Variants in MTF2 observed in about 807,000 individuals in gnomAD.
The protein encoded by MTF2 is metal-response element-binding transcription factor 2.
Under a neutral mutation model 79.5 loss-of-function variants are expected in MTF2, and 11 were observed. The observed-to-expected ratio is 0.14, with a 90% CI of 0.09 to 0.23. MTF2 has a LOEUF of 0.23. Among genes scored for constraint, MTF2 ranks in the 10% least tolerant of loss-of-function variants. The probability of loss-of-function intolerance (pLI) is 1.00; values close to 1 mark genes in which losing one functional copy is unlikely to be tolerated. For missense variants in MTF2, 486 were observed against 711.2 expected, an observed-to-expected ratio of 0.68 and a Z score of 3.60; for synonymous variants, 208 against 232.8, an observed-to-expected ratio of 0.89 and a Z score of 0.97.
chr1:93,115,427 A>G lies in MTF2; in HGVS notation c.484-43A>G, dbSNP rs149738650. 1,684 of 1,453,844 alleles carry G rather than the reference A, an allele frequency of 1.2e-3. 20 individuals are homozygous for G. The African/African-American group carries it at 0.021, about 18-fold the overall frequency. The allele number at this position is 1,453,844 out of a possible 1,614,324, so 90.1% of individuals were successfully genotyped here. On this transcript the variant is annotated intron_variant, in intron 5 of 14. Coordinates refer to ENST00000370298, the MANE Select transcript of MTF2 (RefSeq NM_007358.4). ...TTTAAAGTATAGAATTGTGTTTAAAATTTTAGCCTTCACTCTTTCACATTT... is the reference window on the plus strand; with the variant it reads ...TTTAAAGTATAGAATTGTGTTTAAAGTTTTAGCCTTCACTCTTTCACATTT...
intron 6 of MTF2, 92 bp from the exon 7 acceptor site, chr1:93,118,253 T>G (rs1030302895): frequency 2.1e-5 from 15 of 725,222 alleles, no homozygotes; most frequent in Non-Finnish European, 2.5e-5. Context: ...GTATTGTGGA[T>G]TAGGCCACTT....
intron 3 of MTF2, among the ~76,000 whole-genome samples, chr1:93,112,048 T>C (rs982846499): frequency 6.6e-6 from 1 of 152,162 alleles, no homozygotes; most frequent in Admixed American, 6.5e-5. Flanking sequence ...CAATGTTACA[T>C]AGAGATAGAA....
At chr1:93,120,267 C>T (rs1205862092) in intron 8 of MTF2, 2 of 209,724 alleles carry the variant, frequency 9.5e-6, no homozygotes, top group Non-Finnish European at 1.8e-5. Context: ...TTGTACTACT[C>T]CAGCCTGGGC....
chr1:93,138,050 A>G lies in MTF2; in HGVS notation c.*1023A>G, dbSNP rs1322246857. ...CCGTGAAGATTCCTGAAATGTCTGT[A>G]GTAACTGTTAGTCATGTTTGAATAA... is the stretch of plus-strand genomic sequence containing the variant. On this transcript the variant is annotated 3_prime_UTR_variant, in exon 15 of 15. Transcript: ENST00000370298. The G allele has an allele frequency of 1.3e-5, 2 of 152,234 alleles. No individual in the cohort carries two copies. Among genetic ancestry groups the G allele is most frequent in the African/African-American group, 4.8e-5 (2 of 41,470 alleles). 9.4% of individuals were successfully genotyped at this position (152,234 alleles called of 1,614,324 possible). A position where few individuals can be genotyped will look rare whatever the true frequency, so the allele number is the denominator to read the frequency against.
At chr1:93,101,568 GTTTTTTTTT>G (rs71586778) in intron 1 of MTF2, among the ~76,000 whole-genome samples, 68 of 25,406 alleles carry the variant, frequency 2.7e-3, no homozygotes, top group East Asian at 5.1e-3. Context: ...GCTCAGGCTG[GTTTTTTTTT>G]TTTTTTTTTT....
intron 1 of MTF2, among the ~76,000 whole-genome samples, chr1:93,102,307 A>G (rs932460326): frequency 4.6e-5 from 7 of 152,232 alleles, no homozygotes; most frequent in African/African-American, 1.2e-4. Flanking sequence ...AGACTTAGAA[A>G]TTGTTAATAG....
chr1:93,129,558 A>ATTTTTTTT (rs200494793), intron 11 of MTF2, 110 bp downstream of exon 11: 97 of 448,040 alleles, frequency 2.2e-4, no homozygotes, highest in Admixed American at 3.5e-4. Flanking sequence ...AGTTACTCTG[A>ATTTTTTTT]TTTTTTTTTT....
chr1:93,108,297 C>T (rs1247213086), intron 1 of MTF2, among the ~76,000 whole-genome samples: 1 of 151,758 alleles, frequency 6.6e-6, no homozygotes. Context: ...TGTGTATGTA[C>T]ATGTATTTGA....
At chr1:93,110,206 T>C (rs1336839316) in intron 1 of MTF2, 24 bp from the exon 2 acceptor site, 2 of 1,600,112 alleles carry the variant, frequency 1.2e-6, no homozygotes, top group Admixed American at 3.3e-5. Context: ...AAGTCTTATG[T>C]ATGGTCTTTT....
At chr1:93,130,368 G>A (rs1033217697) in intron 11 of MTF2, among the ~76,000 whole-genome samples, 3 of 152,064 alleles carry the variant, frequency 2.0e-5, no homozygotes, top group Admixed American at 6.6e-5. Context: ...ACCTGAGGTC[G>A]GGAGTTTGAG....
At chr1:93,095,261 G>A (rs919046473) in intron 1 of MTF2, among the ~76,000 whole-genome samples, 12 of 152,052 alleles carry the variant, frequency 7.9e-5, no homozygotes, top group Non-Finnish European at 1.6e-4. Context: ...GGCTGGTTGC[G>A]AACTTCTTGC....
intron 1 of MTF2, among the ~76,000 whole-genome samples, chr1:93,090,914 C>T (rs1438363345): frequency 3.3e-5 from 5 of 151,256 alleles, no homozygotes; most frequent in African/African-American, 7.3e-5. Flanking sequence ...CCGCCCACCT[C>T]GGCCTCCCAG....
At chr1:93,123,210 C>CT (rs749700655) in intron 9 of MTF2, among the ~76,000 whole-genome samples, 1,042 of 94,202 alleles carry the variant, frequency 0.011, 9 homozygotes, top group African/African-American at 0.015. Context: ...TCAGCTCTTT[C>CT]TTTTTTTTTT....
At chr1:93,098,040 G>A (rs1655369547) in intron 1 of MTF2, among the ~76,000 whole-genome samples, 1 of 152,126 alleles carries the variant, frequency 6.6e-6, no homozygotes, top group Admixed American at 6.5e-5. Context: ...AAGACAAAGA[G>A]GCAATGTCTC....
chr1:93,126,192 G>C (rs977139192), intron 9 of MTF2, among the ~76,000 whole-genome samples: 1 of 151,708 alleles, frequency 6.6e-6, no homozygotes, highest in African/African-American at 2.4e-5. Context: ...TATTGGCACA[G>C]AGTGGGCTCT....
chr1:93,082,419 TA>T (rs2101009890), intron 1 of MTF2, among the ~76,000 whole-genome samples: 1 of 152,198 alleles, frequency 6.6e-6, no homozygotes, highest in Admixed American at 6.5e-5. Context: ...TAGTTAGGAC[TA>T]CAGGTGCACA....
rs1316688371 is a variant in MTF2, at chr1:93,118,350, A to G, written c.638A>G (p.Tyr213Cys). Residue 213 changes from tyrosine (Y) to cysteine (C), a missense_variant, in exon 7 of 15, where the codon TAT becomes TGT. Physicochemically the swap from Tyr to Cys is radical, Grantham distance 194 (BLOSUM62 -2). This residue lies in a region of MTF2 where 177 missense variants were observed against 364.0 expected (regional missense o/e 0.49). Coordinates refer to ENST00000370298, the MANE Select transcript of MTF2 (RefSeq NM_007358.4). Reference sequence around the variant, plus strand: ...TTTTTTGTTTTTTTTAATAGCTGGTATTTGAAGATGCTACAGTGCTGCAAA... The same window carrying G: ...TTTTTTGTTTTTTTTAATAGCTGGTGTTTGAAGATGCTACAGTGCTGCAAA... Reference protein sequence around the residue: ...YCYCGGPGDWYLKMLQCCKCK... With the variant: ...YCYCGGPGDWCLKMLQCCKCK... 2 of 1,549,428 alleles carry G rather than the reference A, an allele frequency of 1.3e-6. No homozygotes were observed. The highest frequency in any genetic ancestry group is 1.7e-6 in the Non-Finnish European group (2 of 1,150,490).
intron 1 of MTF2, among the ~76,000 whole-genome samples, chr1:93,090,576 A>G (rs190398730): frequency 6.6e-6 from 1 of 152,216 alleles, no homozygotes; most frequent in African/African-American, 2.4e-5. Flanking sequence ...TCTTTTACAC[A>G]GAAGATTCAG....
chr1:93,117,066 A>G (rs1036889544), intron 6 of MTF2, among the ~76,000 whole-genome samples: 2 of 152,210 alleles, frequency 1.3e-5, no homozygotes, highest in African/African-American at 4.8e-5. Context: ...GGAATTTCCA[A>G]AATGTGACAC....
Sources: gnomAD v4.1 joint callset for allele counts (sites outside exome capture counted in the v4.1 genomes callset) on GRCh38, gnomAD v4.1.1 for gene constraint, gnomAD v4.1.1 regional missense constraint, MANE v1.5 for transcripts, NCBI Gene and HGNC (gene_info 2026-07-23, HGNC 2026-07-21) for gene names.